FRMD4A: variants seen among roughly 807,000 people sequenced by gnomAD.
FRMD4A encodes the protein FERM domain containing 4A.
In FRMD4A, 29 loss-of-function variants were observed where a neutral mutation model predicts 129.1. The ratio of observed to expected loss-of-function variants is 0.22; its 90% CI spans 0.17 to 0.31. FRMD4A has a LOEUF of 0.31. FRMD4A is among the 10% of genes least tolerant of loss of function. The probability of loss-of-function intolerance (pLI) is 1.00; values close to 1 mark genes in which losing one functional copy is unlikely to be tolerated. For missense variants in FRMD4A, 1,272 were observed against 1,375.8 expected, an observed-to-expected ratio of 0.92 and a Z score of 1.19; for synonymous variants, 634 against 571.6, an observed-to-expected ratio of 1.11 and a Z score of -1.56.
chr10:13,684,249 G>A (rs1312350253), intron 15 of FRMD4A: 18 of 832,310 alleles, frequency 2.2e-5, no homozygotes, highest in South Asian at 5.5e-5. Flanking sequence ...TCTGGCCAAC[G>A]AGGAAGACAA....
intron 2 of FRMD4A, among the ~76,000 whole-genome samples, chr10:14,121,724 A>G (rs1589021159): frequency 1.3e-5 from 2 of 152,300 alleles, no homozygotes; most frequent in East Asian, 3.9e-4. Flanking sequence ...GCCTAAGAGC[A>G]TGTCGATGCT....
chr10:13,658,121 C>A (rs1473298761), intron 21 of FRMD4A, among the ~76,000 whole-genome samples: 6 of 141,134 alleles, frequency 4.3e-5, no homozygotes, highest in African/African-American at 1.3e-4. Flanking sequence ...AGGGCAAGAC[C>A]CTGTCTCTCT....
chr10:13,791,615 C>G (rs747831739), intron 5 of FRMD4A, among the ~76,000 whole-genome samples: 1 of 152,132 alleles, frequency 6.6e-6, no homozygotes, highest in Non-Finnish European at 1.5e-5. Context: ...GAAATGGACG[C>G]GAAATTGCCT....
rs200840530 is a variant in FRMD4A at position 13,666,916 on chromosome 10, T to C, written c.1375-591A>G. Among the ~76,000 whole-genome samples, 448 of 137,148 alleles carry C rather than the reference T, an allele frequency of 3.3e-3. 4 individuals carry two copies. Among genetic ancestry groups the C allele is most frequent in the Admixed American group, 0.021 (302 of 14,276 alleles). The allele number at this position is 137,148 out of a possible 152,430, so 90.0% of individuals were successfully genotyped here. On this transcript the variant is annotated intron_variant, in intron 17 of 24. Transcript: ENST00000357447. ...GGGAGCTTTTCTTTTCTTTTCTTTT[T>C]TTTTTTTTTTTTTTGAGATGGATCT...
chr10:14,062,837 G>C (rs7907036), intron 2 of FRMD4A, among the ~76,000 whole-genome samples: 1,555 of 152,302 alleles, frequency 0.01, 30 homozygotes, highest in African/African-American at 0.035. Context: ...GTTGCAGTGA[G>C]ATCATGCCAT....
chr10:13,959,471 T>TAAA (rs56192445), intron 2 of FRMD4A, among the ~76,000 whole-genome samples: 9 of 53,110 alleles, frequency 1.7e-4, no homozygotes, highest in African/African-American at 6.9e-4. Flanking sequence ...GACTGTTTCA[T>TAAA]AAAAAAAAAA....
chr10:14,073,475 T>C (rs1187744362), intron 2 of FRMD4A, among the ~76,000 whole-genome samples: 2 of 152,182 alleles, frequency 1.3e-5, no homozygotes, highest in Non-Finnish European at 2.9e-5. Flanking sequence ...GGTTTTGTGG[T>C]TGTGTGGATA....
At chr10:13,684,374 C>A in intron 15 of FRMD4A, 4 of 985,158 alleles carry the variant, frequency 4.1e-6, no homozygotes, top group Non-Finnish European at 4.8e-6. Context: ...GAGTGAACTT[C>A]CCGATGCTAT....
intron 2 of FRMD4A, among the ~76,000 whole-genome samples, chr10:14,218,501 A>G (rs11258947): frequency 0.36 from 54,112 of 152,018 alleles, 11,120 homozygotes; most frequent in South Asian, 0.52. Context: ...TGTATTTACA[A>G]TCTCATGTCA....
chr10:14,295,280 T>C (rs1387506308), intron 2 of FRMD4A, among the ~76,000 whole-genome samples: 2 of 152,176 alleles, frequency 1.3e-5, no homozygotes, highest in Non-Finnish European at 2.9e-5. Context: ...ACTGGGAGGA[T>C]TTACTTGGGG....
At chr10:14,155,222 G>C (rs910661764) in intron 2 of FRMD4A, among the ~76,000 whole-genome samples, 3 of 152,236 alleles carry the variant, frequency 2.0e-5, no homozygotes, top group Admixed American at 2.0e-4. Context: ...TTGAGCCCAG[G>C]AGTTGGAGGC....
rs537892188 is a variant in FRMD4A at position 13,742,553 on chromosome 10, C to T, written c.549-1976G>A. 1.4e-4 allele frequency among the ~76,000 whole-genome samples: 21 copies of T among 152,298 alleles called. 1 individual carries two copies. In the South Asian group the frequency reaches 4.1e-3, roughly 30 times the overall value. On this transcript the variant is annotated intron_variant, in intron 9 of 24. Transcript: ENST00000357447. ...TATTTTTGAGACAAGGTTTTGCTCTCTCGCCCAGACTGGAGTGCAGTGGTA... is the reference window on the plus strand; with the variant it reads ...TATTTTTGAGACAAGGTTTTGCTCTTTCGCCCAGACTGGAGTGCAGTGGTA...
chr10:14,149,656 C>T (rs560506575), intron 2 of FRMD4A, among the ~76,000 whole-genome samples: 16 of 152,286 alleles, frequency 1.1e-4, no homozygotes, highest in South Asian at 4.1e-4. Flanking sequence ...AGACATGAGC[C>T]GCCACACCTG....
chr10:14,185,607 A>G (rs138042922), intron 2 of FRMD4A, among the ~76,000 whole-genome samples: 5 of 140,722 alleles, frequency 3.6e-5, no homozygotes, highest in Non-Finnish European at 6.3e-5. Context: ...AGGTAGAGAG[A>G]CAGAAAGGGG....
At chr10:14,243,217 C>T (rs1270903469) in intron 2 of FRMD4A, among the ~76,000 whole-genome samples, 2 of 152,150 alleles carry the variant, frequency 1.3e-5, no homozygotes, top group Non-Finnish European at 2.9e-5. Flanking sequence ...TGTCCTCATC[C>T]AAATTGTAAT....
chr10:13,999,731 G>T (rs1354992965), intron 2 of FRMD4A, among the ~76,000 whole-genome samples: 1 of 152,238 alleles, frequency 6.6e-6, no homozygotes, highest in Non-Finnish European at 1.5e-5. Context: ...GACTGCCCAT[G>T]CACCCAAAGG....
intron 2 of FRMD4A, among the ~76,000 whole-genome samples, chr10:14,329,364 G>T (rs553713298): frequency 4.4e-4 from 67 of 152,308 alleles, no homozygotes; most frequent in African/African-American, 1.5e-3. Flanking sequence ...AAGCCAATTG[G>T]GTTGGAACAA....
At chr10:13,817,751 C>T (rs1435685241) in intron 3 of FRMD4A, among the ~76,000 whole-genome samples, 1 of 152,204 alleles carries the variant, frequency 6.6e-6, no homozygotes, top group Non-Finnish European at 1.5e-5. Context: ...CACTAAACCT[C>T]TTTCCTTTAT....
At chr10:13,967,010 T>C (rs1020136971) in intron 2 of FRMD4A, among the ~76,000 whole-genome samples, 7 of 152,146 alleles carry the variant, frequency 4.6e-5, no homozygotes, top group Non-Finnish European at 7.3e-5. Flanking sequence ...CACTCACAAG[T>C]GGGAGCTAAG....
Sources: allele counts gnomAD v4.1 joint callset (sites outside exome capture counted in the v4.1 genomes callset), GRCh38; gene constraint gnomAD v4.1.1; transcripts MANE v1.5; gene names NCBI Gene and HGNC (gene_info 2026-07-23, HGNC 2026-07-21).